DENND1A: variants seen among roughly 807,000 people sequenced by gnomAD.
The protein encoded by DENND1A is DENN domain containing 1A.
In DENND1A, 51 loss-of-function variants were observed where a neutral mutation model predicts 113.7. The observed-to-expected ratio is 0.45, with a 90% CI of 0.36 to 0.57. The LOEUF (loss-of-function observed/expected upper bound fraction) is 0.57. Among genes scored for constraint, DENND1A ranks in the 20% least tolerant of loss-of-function variants. DENND1A has a pLI of 0.00. For synonymous variants in DENND1A, 565 were observed against 570.8 expected (o/e 0.99, Z 0.14); for missense variants, 1,258 against 1,395.9 (o/e 0.90, Z 1.57).
At chr9:123,833,122 C>CAAAAAAAAAAAAA (rs1163844269) in intron 2 of DENND1A, among the ~76,000 whole-genome samples, 1 of 27,568 alleles carries the variant, frequency 3.6e-5, no homozygotes, top group South Asian at 1.7e-3. Context: ...GACCTCATCT[C>CAAAAAAAAAAAAA]AAAAAAAAAA....
intron 9 of DENND1A, among the ~76,000 whole-genome samples, chr9:123,644,417 A>G (rs2062197415): frequency 6.9e-6 from 1 of 145,230 alleles, no homozygotes; most frequent in Non-Finnish European, 1.5e-5. Context: ...TAAGTACTAT[A>G]CAATCAGGTC....
At chr9:123,802,860 AC>A (rs1834923493) in intron 2 of DENND1A, among the ~76,000 whole-genome samples, 1 of 151,398 alleles carries the variant, frequency 6.6e-6, no homozygotes, top group Non-Finnish European at 1.5e-5. Context: ...GCACCACCAC[AC>A]CCAGCTAATT....
intron 13 of DENND1A, among the ~76,000 whole-genome samples, chr9:123,466,689 T>C (rs1256661406): frequency 6.6e-6 from 1 of 152,206 alleles, no homozygotes; most frequent in South Asian, 2.1e-4. Context: ...TCTTTGCCTT[T>C]CCTTCTATGT....
intron 5 of DENND1A, among the ~76,000 whole-genome samples, chr9:123,732,271 TA>T (rs1351314897): frequency 6.6e-6 from 1 of 152,200 alleles, no homozygotes; most frequent in Non-Finnish European, 1.5e-5. Flanking sequence ...TTCATAATCA[TA>T]AAACCCCCAA....
chr9:123,808,860 G>T (rs969331074), intron 2 of DENND1A, among the ~76,000 whole-genome samples: 1 of 152,152 alleles, frequency 6.6e-6, no homozygotes, highest in African/African-American at 2.4e-5. Context: ...ACACTGGCAG[G>T]TTCAGTGCCC....
intron 5 of DENND1A, among the ~76,000 whole-genome samples, chr9:123,679,604 C>T (rs559576425): frequency 2.6e-5 from 4 of 152,162 alleles, no homozygotes; most frequent in African/African-American, 7.2e-5. Flanking sequence ...GTTTTGAAAC[C>T]GAAACCCAGC....
intron 14 of DENND1A, 82 bp downstream of exon 14, chr9:123,457,711 C>G (rs558942710): frequency 7.5e-7 from 1 of 1,328,732 alleles, no homozygotes; most frequent in Non-Finnish European, 1.0e-6. Context: ...TCCATGCCTG[C>G]GGCCTCAGTA....
chr9:123,740,899 TGAGAGAGAGAGAGAGAGAGAGAGAGA>T (rs56006420), intron 5 of DENND1A, among the ~76,000 whole-genome samples: 1 of 108,868 alleles, frequency 9.2e-6, no homozygotes, highest in African/African-American at 3.7e-5. Context: ...GAAGGGAAAG[TGAGAGAGAGAGAGAGAGAGAGAGAGA>T]GAGAGAGAGA....
At chr9:123,688,599 C>A (rs539948434) in intron 5 of DENND1A, among the ~76,000 whole-genome samples, 12 of 152,212 alleles carry the variant, frequency 7.9e-5, no homozygotes, top group African/African-American at 2.4e-4. Context: ...AGGTATGATG[C>A]GCATTCCTTC....
intron 19 of DENND1A, among the ~76,000 whole-genome samples, chr9:123,423,434 T>G (rs2045472343): frequency 6.6e-6 from 1 of 152,182 alleles, no homozygotes; most frequent in South Asian, 2.1e-4. Flanking sequence ...CAGGAACACA[T>G]GGCTGTGGTA....
chr9:123,585,002 A>G (rs1462611973), intron 11 of DENND1A, among the ~76,000 whole-genome samples: 1 of 152,188 alleles, frequency 6.6e-6, no homozygotes, highest in Non-Finnish European at 1.5e-5. Flanking sequence ...CACAGCCTCT[A>G]GGGCAGAACA....
At chr9:123,506,314 T>C (rs1171281374) in intron 13 of DENND1A, among the ~76,000 whole-genome samples, 1 of 152,206 alleles carries the variant, frequency 6.6e-6, no homozygotes, top group Non-Finnish European at 1.5e-5. Flanking sequence ...GGCCAGGCAG[T>C]GGCTCACGCC....
intron 2 of DENND1A, among the ~76,000 whole-genome samples, chr9:123,812,511 G>A (rs1836790783): frequency 6.6e-6 from 1 of 151,854 alleles, no homozygotes; most frequent in African/African-American, 2.4e-5. Context: ...TATACAGTGA[G>A]TGGAATGAGT....
intron 5 of DENND1A, among the ~76,000 whole-genome samples, chr9:123,734,696 G>C (rs1056972467): frequency 6.6e-6 from 1 of 152,186 alleles, no homozygotes; most frequent in East Asian, 1.9e-4. Context: ...CTTCCTCTGC[G>C]GGACTGCTGT....
chr9:123,732,869 A>G (rs968378294), intron 5 of DENND1A, among the ~76,000 whole-genome samples: 2 of 152,230 alleles, frequency 1.3e-5, no homozygotes, highest in African/African-American at 2.4e-5. Flanking sequence ...CTTCATCTGT[A>G]TAATGGGGGC....
chr9:123,481,630 G>A (rs1341819540), intron 13 of DENND1A, among the ~76,000 whole-genome samples: 1 of 152,172 alleles, frequency 6.6e-6, no homozygotes, highest in African/African-American at 2.4e-5. Context: ...GTCTGCAGTA[G>A]GCATCATTGC....
intron 5 of DENND1A, among the ~76,000 whole-genome samples, chr9:123,740,828 G>C (rs187070198): frequency 1.3e-5 from 2 of 149,078 alleles, no homozygotes; most frequent in East Asian, 4.0e-4. Flanking sequence ...AATTAAACAT[G>C]ATGGCATCAC....
chr9:123,834,752 A>C (rs1840802801), intron 2 of DENND1A, among the ~76,000 whole-genome samples: 1 of 152,254 alleles, frequency 6.6e-6, no homozygotes, highest in Admixed American at 6.5e-5. Context: ...TCTACAAAGC[A>C]TTAACTGGAT....
chr9:123,600,033 G>A (rs2137341963), intron 11 of DENND1A, among the ~76,000 whole-genome samples: 1 of 152,262 alleles, frequency 6.6e-6, no homozygotes, highest in Admixed American at 6.5e-5. Context: ...CACACTGCTG[G>A]TCTCTGAGCT....
Sources: allele counts gnomAD v4.1 joint callset (sites outside exome capture counted in the v4.1 genomes callset), GRCh38; gene constraint gnomAD v4.1.1; transcripts MANE v1.5; gene names NCBI Gene and HGNC (gene_info 2026-07-23, HGNC 2026-07-21).